Variants in PLD5 observed in about 807,000 individuals in gnomAD.
The protein encoded by PLD5 is phospholipase D family member 5.
PLD5 carries 36 observed loss-of-function variants against 61.1 expected under a neutral mutation model. The ratio of observed to expected loss-of-function variants is 0.59; its 90% CI spans 0.45 to 0.78. PLD5 has a LOEUF of 0.78. Among genes scored for constraint, PLD5 ranks in the 30% least tolerant of loss-of-function variants. The pLI is 0.00. For synonymous variants in PLD5, 243 were observed against 242.8 expected, an observed-to-expected ratio of 1.00 and a Z score of -0.01; for missense variants, 515 against 644.4, an observed-to-expected ratio of 0.80 and a Z score of 2.17.
chr1:242,339,010 TTC>T (rs536106598), intron 2 of PLD5, among the ~76,000 whole-genome samples: 2 of 152,186 alleles, frequency 1.3e-5, no homozygotes, highest in Non-Finnish European at 2.9e-5. Flanking sequence ...CCTTGCAAGT[TTC>T]TTTTTCTAAC....
chr1:242,214,593 C>T (rs1030783541), intron 5 of PLD5, among the ~76,000 whole-genome samples: 5 of 152,126 alleles, frequency 3.3e-5, no homozygotes, highest in African/African-American at 1.2e-4. Flanking sequence ...TCAATTTTTC[C>T]ACCAACACTG....
At chr1:242,401,720 C>G (rs1275687417) in intron 1 of PLD5, among the ~76,000 whole-genome samples, 1 of 152,158 alleles carries the variant, frequency 6.6e-6, no homozygotes, top group East Asian at 1.9e-4. Context: ...AGAAGCTACC[C>G]TTGACAGTCC....
intron 1 of PLD5, among the ~76,000 whole-genome samples, chr1:242,490,769 G>A (rs572491633): frequency 1.3e-5 from 2 of 152,126 alleles, no homozygotes; most frequent in African/African-American, 2.4e-5. Context: ...AAAACCTACC[G>A]CTACGTCATA....
chr1:242,186,558 G>A (rs936802621), intron 5 of PLD5, among the ~76,000 whole-genome samples: 4 of 151,682 alleles, frequency 2.6e-5, no homozygotes, highest in African/African-American at 9.7e-5. Flanking sequence ...AAAAAATGTT[G>A]AGAAATGAGA....
intron 5 of PLD5, among the ~76,000 whole-genome samples, chr1:242,133,134 G>A (rs1663431786): frequency 6.6e-6 from 1 of 151,824 alleles, no homozygotes; most frequent in Non-Finnish European, 1.5e-5. Context: ...GCTGGTCAGG[G>A]GCCTAGTCTT....
intron 5 of PLD5, among the ~76,000 whole-genome samples, chr1:242,138,586 C>A (rs186450056): frequency 6.6e-6 from 1 of 152,066 alleles, no homozygotes; most frequent in African/African-American, 2.4e-5. Flanking sequence ...AGGTCCAATG[C>A]GGAAATAAAG....
At chr1:242,340,114 A>G (rs1659747117) in intron 2 of PLD5, among the ~76,000 whole-genome samples, 1 of 152,218 alleles carries the variant, frequency 6.6e-6, no homozygotes, top group African/African-American at 2.4e-5. Flanking sequence ...GACATAAAAT[A>G]AAAGGCTCTA....
intron 9 of PLD5, among the ~76,000 whole-genome samples, chr1:242,100,072 T>C (rs960475019): frequency 2.6e-5 from 4 of 152,204 alleles, no homozygotes; most frequent in Non-Finnish European, 4.4e-5. Flanking sequence ...ATTAATTGGG[T>C]ATTATCTATG....
In PLD5 at chr1:242,409,875, C is replaced by G. The variant is rs143974965; in HGVS notation, c.190-61633G>C. 3.9e-5 allele frequency among the ~76,000 whole-genome samples: 6 copies of G among 152,296 alleles called. No individual in the cohort carries two copies. In the East Asian group the frequency reaches 1.2e-3, roughly 29 times the overall value. ...ATGTGAAGGCAAAGGCAAGAAGACA[C>G]GGGAATCGCCATGTTTGGGTGGACC... On this transcript the variant is annotated intron_variant, in intron 1 of 9. Transcript: ENST00000536534.
At chr1:242,197,188 C>T (rs1668685637) in intron 5 of PLD5, among the ~76,000 whole-genome samples, 1 of 152,090 alleles carries the variant, frequency 6.6e-6, no homozygotes, top group Non-Finnish European at 1.5e-5. Flanking sequence ...ACCCTGCCTT[C>T]CTCCCCTTCC....
At chr1:242,117,100 A>G (rs567081713) in intron 6 of PLD5, among the ~76,000 whole-genome samples, 8 of 152,196 alleles carry the variant, frequency 5.3e-5, no homozygotes, top group Non-Finnish European at 7.4e-5. Flanking sequence ...AATATACATC[A>G]CTCCCAGGAT....
intron 5 of PLD5, among the ~76,000 whole-genome samples, chr1:242,207,950 T>TTTTTATATATA: frequency 9.9e-5 from 1 of 10,118 alleles, no homozygotes; most frequent in African/African-American, 3.6e-4. Context: ...TTATATATAT[T>TTTTTATATATA]TATTTATATA....
At chr1:242,528,758 G>A (rs11576442), upstream of PLD5, among the ~76,000 whole-genome samples, 24,695 of 152,102 alleles carry the variant, frequency 0.16, 2,213 homozygotes, top group African/African-American at 0.24. Flanking sequence ...GTAAGTCAGA[G>A]AGTCTGGTCA....
intron 4 of PLD5, among the ~76,000 whole-genome samples, chr1:242,263,081 A>G (rs1181204957): frequency 6.6e-6 from 1 of 152,130 alleles, no homozygotes; most frequent in Non-Finnish European, 1.5e-5. Flanking sequence ...AGGAACAGGA[A>G]TGACCTGCAC....
At chr1:242,265,258 T>C in intron 4 of PLD5, 79 bp downstream of exon 4, 1 of 1,484,826 alleles carries the variant, frequency 6.7e-7, no homozygotes. Flanking sequence ...ATAAAGAAAT[T>C]ATATATTATT....
At chr1:242,173,331 TCCAACTTACAAGGGATGTGAA>T (rs1357569092) in intron 5 of PLD5, among the ~76,000 whole-genome samples, 1 of 152,048 alleles carries the variant, frequency 6.6e-6, no homozygotes, top group East Asian at 1.9e-4. Flanking sequence ...TACCTAGGAA[TCCAACTTACAAGGGATGTGAA>T]GGACCTCTTC....
intron 1 of PLD5, among the ~76,000 whole-genome samples, chr1:242,451,691 C>A (rs1558578002): frequency 6.6e-6 from 1 of 151,988 alleles, no homozygotes; most frequent in Non-Finnish European, 1.5e-5. Context: ...AACTCCTGAG[C>A]TCAGGTGATC....
chr1:242,374,954 G>A (rs752420961), intron 1 of PLD5, among the ~76,000 whole-genome samples: 1 of 152,020 alleles, frequency 6.6e-6, no homozygotes, highest in South Asian at 2.1e-4. Context: ...AAGCTTCAGG[G>A]GTCAAGGGCC....
chr1:242,117,016 G>T (rs1336987579), intron 6 of PLD5, among the ~76,000 whole-genome samples: 2 of 152,064 alleles, frequency 1.3e-5, no homozygotes. Flanking sequence ...CCTCACTTGG[G>T]CACTAGTGCT....
Sources: gnomAD v4.1 joint callset for allele counts (sites outside exome capture counted in the v4.1 genomes callset) on GRCh38, gnomAD v4.1.1 for gene constraint, MANE v1.5 for transcripts, NCBI Gene and HGNC (gene_info 2026-07-23, HGNC 2026-07-21) for gene names.